Variants in TCF20 observed in about 807,000 individuals in gnomAD.
The protein encoded by TCF20 is SPRE-binding protein.
A neutral mutation model predicts 148.6 loss-of-function variants in TCF20; 3 were observed. The observed-to-expected ratio is 0.02, with a 90% CI of 0.01 to 0.05. The LOEUF (loss-of-function observed/expected upper bound fraction) is 0.05. Ranked by LOEUF, TCF20 falls within the 10% of genes least tolerant of loss-of-function variation. TCF20 has a pLI of 1.00. For missense variants in TCF20, 2,350 were observed against 2,429.3 expected, an observed-to-expected ratio of 0.97 and a Z score of 0.69; for synonymous variants, 1,049 against 909.5, an observed-to-expected ratio of 1.15 and a Z score of -2.76.
At chr22:42,316,082 T>TGAG (rs1270670005) in intron 1 of TCF20, among the ~76,000 whole-genome samples, 1 of 133,854 alleles carries the variant, frequency 7.5e-6, no homozygotes, top group Non-Finnish European at 1.5e-5. Flanking sequence ...CACTCCAGTC[T>TGAG]GAGTGACAGA....
intron 1 of TCF20, among the ~76,000 whole-genome samples, chr22:42,323,222 C>A (rs926036166): frequency 4.0e-5 from 6 of 151,652 alleles, no homozygotes; most frequent in African/African-American, 1.2e-4. Flanking sequence ...TTTTCTTTGG[C>A]CTCTTGTTCA....
chr22:42,292,805 C>T lies in TCF20; in HGVS notation c.-37+50674G>A, dbSNP rs73886018. 6.6e-6 allele frequency among the ~76,000 whole-genome samples: 1 copy of T among 151,740 alleles called. No homozygotes were observed. The highest frequency in any genetic ancestry group is 2.4e-5 in the African/African-American group (1 of 41,380). On this transcript the variant is annotated intron_variant, in intron 1 of 1. Coordinates refer to the TCF20 transcript ENST00000515426. This position sits in a 1 kb window ranked among gnomAD's most constrained non-coding sequence, Gnocchi z 4.9. ...CTCCAGGGCCGGCCGAGCACTAGCC[C>T]AGGCCCAGGAGAATCTACTGAATGA...
Position 42,213,239 on chromosome 22 carries a change from G to T in TCF20, c.2067C>A (p.Gly689=), listed in dbSNP as rs759018084. 1 of 1,614,124 alleles carries T rather than the reference G, an allele frequency of 6.2e-7. No homozygotes were observed. Residue 689 remains glycine, a synonymous_variant, in exon 2 of 6, where the codon GGC becomes GGA. Transcript: ENST00000677622. ...GCTCAGTTCTGCTCGTAAAACCAGG[G>T]CCCGCTGCAGAGTGGCCACTCTGGC... is the stretch of plus-strand genomic sequence containing the variant. ...GNGQSGHSAA[G]PGFTSRTEPS...
chr22:42,181,933 C>G (rs1440334911), intron 2 of TCF20, among the ~76,000 whole-genome samples: 1 of 152,048 alleles, frequency 6.6e-6, no homozygotes, highest in Non-Finnish European at 1.5e-5. Flanking sequence ...GAGGGAGGAA[C>G]AGGTAATTTT....
At chr22:42,163,767 C>A (rs1335635780) in intron 5 of TCF20, among the ~76,000 whole-genome samples, 1 of 152,198 alleles carries the variant, frequency 6.6e-6, no homozygotes, top group African/African-American at 2.4e-5. Flanking sequence ...GCAGGAGCGA[C>A]CTGCCGCCCC....
chr22:42,334,523 G>C (rs1260051313), intron 1 of TCF20, among the ~76,000 whole-genome samples: 1 of 152,254 alleles, frequency 6.6e-6, no homozygotes, highest in Non-Finnish European at 1.5e-5. Context: ...CACTGTTCTA[G>C]GAGCTGGAGG....
intron 1 of TCF20, among the ~76,000 whole-genome samples, chr22:42,230,006 C>T (rs1391109030): frequency 2.0e-5 from 3 of 152,212 alleles, no homozygotes. Flanking sequence ...CCCTCCAATC[C>T]AGCTTGCATT....
intron 1 of TCF20, among the ~76,000 whole-genome samples, chr22:42,264,845 T>C (rs780620229): frequency 3.3e-5 from 5 of 152,266 alleles, no homozygotes; most frequent in Non-Finnish European, 7.3e-5. Flanking sequence ...TACTTGTTAA[T>C]GCAAATTAGC....
rs1920962416 is a variant in TCF20, at chr22:42,211,479, C to T, written c.3827G>A (p.Ser1276Asn). The stretch of plus-strand genomic sequence containing the variant: ...GAGGCGACCTTTATCTTCAGTGCTA[C>T]TGTTCTTTACATCTTGTGACTGTCT... ...SKRQSQDVKN[S>N]STEDKGRLLH... is the part of the protein sequence containing the mutation. Residue 1276 changes from serine (S) to asparagine (N), a missense_variant, in exon 2 of 6, where the codon AGT becomes AAT. This residue lies in a region of TCF20 where 1,641 missense variants were observed against 1,662.6 expected (regional missense o/e 0.99). Transcript: ENST00000677622. The T allele has an allele frequency of 6.2e-7, 1 of 1,614,210 alleles. No homozygotes were observed. The highest frequency in any genetic ancestry group is 8.5e-7 in the Non-Finnish European group (1 of 1,180,046).
At chr22:42,289,853 C>T (rs1172986550) in intron 1 of TCF20, among the ~76,000 whole-genome samples, 1 of 152,190 alleles carries the variant, frequency 6.6e-6, no homozygotes, top group Non-Finnish European at 1.5e-5. Context: ...GCCCCGCCCC[C>T]GAGCTTTTTC....
At chr22:42,328,661 G>C in intron 1 of TCF20, among the ~76,000 whole-genome samples, 1 of 152,234 alleles carries the variant, frequency 6.6e-6, no homozygotes, top group East Asian at 1.9e-4. Flanking sequence ...CCGTTTCCTG[G>C]TCACAGGGTT....
At chr22:42,188,528 A>G (rs1013570412) in intron 2 of TCF20, among the ~76,000 whole-genome samples, 1 of 152,126 alleles carries the variant, frequency 6.6e-6, no homozygotes, top group Non-Finnish European at 1.5e-5. Flanking sequence ...TAATGTGTCA[A>G]TCCTGATTCC....
Position 42,211,083 on chromosome 22 carries a change from C to A in TCF20, c.4223G>T (p.Arg1408Ile), listed in dbSNP as rs758497667. 4.3e-6 allele frequency: 7 copies of A among 1,614,184 alleles called. No individual in the cohort carries two copies. In the East Asian group the frequency reaches 1.6e-4, roughly 36 times the overall value. The stretch of plus-strand genomic sequence containing the variant: ...TAGGTCCGAAGCCACCTCACCTTTT[C>A]TCTTCTCTATGTCAGCATCCTGAAC... ...VAVQDADIEK[R>I]KGEVASDLVS... Residue 1408 changes from arginine (R) to isoleucine (I), a missense_variant, in exon 2 of 6, where the codon AGA becomes ATA. By Grantham distance (97) the Arg-to-Ile change is moderately conservative. Coordinates refer to ENST00000677622, the MANE Select transcript of TCF20 (RefSeq NM_001378418.1).
rs2413683 is a variant in TCF20, at chr22:42,161,078, C to T, written c.*325G>A. 2.3e-4 allele frequency: 96 copies of T among 418,954 alleles called. No individual in the cohort carries two copies. The highest frequency in any genetic ancestry group is 3.7e-4 in the Non-Finnish European group (86 of 235,328). 26.0% of individuals were successfully genotyped at this position (418,954 alleles called of 1,614,324 possible). ...TTTATATATATATATTTATCCCTCC[C>T]TTTTAATTCCCCCCACCCTTTCCCC... On this transcript the variant is annotated 3_prime_UTR_variant, in exon 6 of 6. Transcript: ENST00000677622.
chr22:42,250,705 G>T (rs1925294993), intron 1 of TCF20, among the ~76,000 whole-genome samples: 1 of 152,172 alleles, frequency 6.6e-6, no homozygotes, highest in Non-Finnish European at 1.5e-5. Flanking sequence ...AAATACATTT[G>T]TTACTATTTT....
intron 5 of TCF20, among the ~76,000 whole-genome samples, chr22:42,162,191 G>A (rs1935509971): frequency 6.6e-6 from 1 of 151,922 alleles, no homozygotes; most frequent in Admixed American, 6.6e-5. Context: ...ATGTTAGGCT[G>A]GTCTAGAACT....
At chr22:42,163,114 T>G (rs1453098716) in intron 5 of TCF20, among the ~76,000 whole-genome samples, 1 of 152,248 alleles carries the variant, frequency 6.6e-6, no homozygotes, top group Non-Finnish European at 1.5e-5. Context: ...GGGCAGGGTT[T>G]GCCCTCTTTA....
Position 42,212,516 on chromosome 22 carries a change from C to G in TCF20, c.2790G>C (p.Glu930Asp), listed in dbSNP as rs1055814349. 6.2e-7 allele frequency: 1 copy of G among 1,614,188 alleles called. No individual in the cohort carries two copies. The highest frequency in any genetic ancestry group is 8.5e-7 in the Non-Finnish European group (1 of 1,180,012). ...KLKSQSGQIK[E>D]EDFEQSKSQA... ...GAGATTTAGACTGTTCAAAGTCTTC[C>G]TCTTTTATCTGCCCGCTCTGGGATT... The change falls in exon 2 of 6, where the codon GAG becomes GAC. Residue 930 changes from glutamate to aspartate, a missense_variant. By Grantham distance (45) the Glu-to-Asp change is conservative (BLOSUM62 2). Coordinates refer to ENST00000677622, the MANE Select transcript of TCF20 (RefSeq NM_001378418.1).
At chr22:42,188,256 G>C (rs1471040540) in intron 2 of TCF20, among the ~76,000 whole-genome samples, 1 of 116,738 alleles carries the variant, frequency 8.6e-6, no homozygotes, top group Non-Finnish European at 1.6e-5. Context: ...TCATGCCATT[G>C]TACTCCAGCC....
Sources: gnomAD v4.1 joint callset for allele counts (sites outside exome capture counted in the v4.1 genomes callset) on GRCh38, gnomAD v4.1.1 for gene constraint, gnomAD v4.1.1 regional missense constraint, Gnocchi (gnomAD v3.1) non-coding constraint, MANE v1.5 for transcripts, NCBI Gene and HGNC (gene_info 2026-07-23, HGNC 2026-07-21) for gene names.